Variants in WDFY4 observed in about 807,000 individuals in gnomAD.
WDFY4 encodes the protein WD repeat- and FYVE domain-containing protein 4.
In WDFY4, 169 loss-of-function variants were observed where a neutral mutation model predicts 351.9. That is an observed-to-expected ratio of 0.48 (90% CI 0.42 to 0.55). WDFY4 has a LOEUF of 0.55. WDFY4 is among the 20% of genes least tolerant of loss of function. The pLI is 0.00. For missense variants in WDFY4, 3,803 were observed against 3,935.6 expected (o/e 0.97, Z 0.90); for synonymous variants, 1,622 against 1,574.6 (o/e 1.03, Z -0.71).
intron 51 of WDFY4, among the ~76,000 whole-genome samples, chr10:48,952,616 G>A (rs997060058): frequency 6.6e-6 from 1 of 152,150 alleles, no homozygotes; most frequent in African/African-American, 2.4e-5. Flanking sequence ...AGGACTAAAG[G>A]AGATACGACA....
Position 48,817,416 on chromosome 10 carries a change from C to A in WDFY4, c.5505+7C>A. Reference sequence around the variant, plus strand: ...CCCCCTGGGAGCCCAAAAGGTAGGACATGCTGCTGTCCCACCCAGAGAGAG... The same window carrying A: ...CCCCCTGGGAGCCCAAAAGGTAGGAAATGCTGCTGTCCCACCCAGAGAGAG... On this transcript the variant is annotated splice_region_variant and intron_variant, in intron 32 of 61. Coordinates refer to ENST00000325239, the MANE Select transcript of WDFY4 (RefSeq NM_001394531.1). 2 of 1,547,612 alleles carry A rather than the reference C, an allele frequency of 1.3e-6. No homozygotes were observed. The highest frequency in any genetic ancestry group is 2.4e-5 in the South Asian group (2 of 83,728).
intron 25 of WDFY4, 47 bp downstream of exon 25, chr10:48,803,406 G>T: frequency 6.5e-7 from 1 of 1,536,814 alleles, no homozygotes. Flanking sequence ...AAGGCTGAAT[G>T]TCCAGAACAG....
chr10:48,938,483 C>T (rs1016218908), intron 47 of WDFY4, among the ~76,000 whole-genome samples: 2 of 152,246 alleles, frequency 1.3e-5, no homozygotes, highest in Non-Finnish European at 2.9e-5. Flanking sequence ...TCTGCCAGCC[C>T]CCGATGGAGG....
At chr10:48,900,123 C>T (rs543674124) in intron 45 of WDFY4, 98 bp from the exon 46 acceptor site, 46 of 1,029,448 alleles carry the variant, frequency 4.5e-5, no homozygotes, top group Middle Eastern at 2.3e-4. Context: ...TCTTCTGACA[C>T]GGAGACCCGC....
intron 39 of WDFY4, among the ~76,000 whole-genome samples, chr10:48,839,330 A>G (rs933135837): frequency 6.6e-6 from 1 of 152,252 alleles, no homozygotes; most frequent in Admixed American, 6.5e-5. Flanking sequence ...TGACATTTTT[A>G]AAATCTGATA....
intron 53 of WDFY4, among the ~76,000 whole-genome samples, chr10:48,963,561 C>T (rs1195093001): frequency 6.6e-6 from 1 of 152,172 alleles, no homozygotes; most frequent in Non-Finnish European, 1.5e-5. Flanking sequence ...AGGCCTGCAC[C>T]TCATAGATAC....
chr10:48,918,551 C>T (rs1004618790), intron 47 of WDFY4, among the ~76,000 whole-genome samples: 3 of 152,112 alleles, frequency 2.0e-5, no homozygotes, highest in Non-Finnish European at 2.9e-5. Context: ...ATGTACCTAA[C>T]AGCAGAGCTT....
At chr10:48,749,365 C>T (rs1485199326) in intron 12 of WDFY4, among the ~76,000 whole-genome samples, 1 of 151,950 alleles carries the variant, frequency 6.6e-6, no homozygotes, top group Admixed American at 6.6e-5. Flanking sequence ...AACACACACA[C>T]ACCACACTAA....
chr10:48,702,460 G>A (rs558623887), intron 1 of WDFY4, among the ~76,000 whole-genome samples: 5 of 152,124 alleles, frequency 3.3e-5, no homozygotes, highest in African/African-American at 1.2e-4. Context: ...TTTCCAAAAT[G>A]TCCTCTAAGT....
chr10:48,882,706 G>T (rs960957329), intron 43 of WDFY4, among the ~76,000 whole-genome samples: 9 of 152,108 alleles, frequency 5.9e-5, no homozygotes, highest in African/African-American at 1.9e-4. Flanking sequence ...GAGGGGCCAG[G>T]CTCTTTCAAA....
rs895491443 is a variant in WDFY4, at chr10:48,867,274, T to C, written c.6673T>C (p.Ser2225Pro). ...DPECKTEDFVSCIENYRRRGQ... is the reference protein window; with the variant it reads ...DPECKTEDFVPCIENYRRRGQ... ...TTTCTCCTTTCTCCAGGATTTTGTGTCATGTATAGAGAACTACAGAAGAAG... is the reference window on the plus strand; with the variant it reads ...TTTCTCCTTTCTCCAGGATTTTGTGCCATGTATAGAGAACTACAGAAGAAG... Residue 2225 changes from serine to proline, a missense_variant, in exon 40 of 62, where the codon TCA becomes CCA. Physicochemically the swap from Ser to Pro is moderately conservative, Grantham distance 74. Around this residue, in one of 3 missense-constraint regions of WDFY4, gnomAD observed 3,054 missense variants for 3,148.6 expected, o/e 0.97. Coordinates refer to ENST00000325239, the MANE Select transcript of WDFY4 (RefSeq NM_001394531.1). The C allele has an allele frequency of 1.4e-6, 2 of 1,428,002 alleles. No homozygotes were observed. The highest frequency in any genetic ancestry group is 5.2e-5 in the Admixed American group (2 of 38,170). The allele number at this position is 1,428,002 out of a possible 1,614,324, so 88.5% of individuals were successfully genotyped here. A position where few individuals can be genotyped will look rare whatever the true frequency, so the allele number is the denominator to read the frequency against.
intron 12 of WDFY4, among the ~76,000 whole-genome samples, chr10:48,754,028 G>A (rs918570157): frequency 6.6e-6 from 1 of 152,102 alleles, no homozygotes; most frequent in African/African-American, 2.4e-5. Flanking sequence ...ATGATCATCT[G>A]TTTTTTGCCT....
rs535366458 is a variant in WDFY4, at chr10:48,743,156, C to A, written c.2067C>A (p.Ser689=). The A allele has an allele frequency of 6.4e-7, 1 of 1,551,538 alleles. No homozygotes were observed. Among genetic ancestry groups the A allele is most frequent in the South Asian group, 1.2e-5 (1 of 84,066 alleles). Residue 689 remains serine, a synonymous_variant, in exon 12 of 62, where the codon TCC becomes TCA. Coordinates refer to ENST00000325239, the MANE Select transcript of WDFY4 (RefSeq NM_001394531.1). ...TTTTGTACACTCTCTGTGCTGTGTC[C>A]GCAGCGCTGCACTGGGACCCTGTCA... The part of the protein sequence containing the change: ...ELVLYTLCAV[S]AALHWDPVNG...
intron 41 of WDFY4, among the ~76,000 whole-genome samples, chr10:48,873,918 A>G (rs1158665318): frequency 1.3e-5 from 2 of 152,222 alleles, no homozygotes; most frequent in Non-Finnish European, 2.9e-5. Flanking sequence ...TACAGCCTGC[A>G]TGAATGAATA....
At chr10:48,802,974 A>G (rs1006331992) in intron 24 of WDFY4, among the ~76,000 whole-genome samples, 1 of 152,192 alleles carries the variant, frequency 6.6e-6, no homozygotes, top group African/African-American at 2.4e-5. Context: ...TGAGTTTGCA[A>G]TATGGACACT....
intron 39 of WDFY4, among the ~76,000 whole-genome samples, chr10:48,863,776 A>G (rs968080562): frequency 6.6e-6 from 1 of 152,182 alleles, no homozygotes; most frequent in Non-Finnish European, 1.5e-5. Flanking sequence ...TAATTTATAA[A>G]GAAAAGAGGT....
intron 1 of WDFY4, 27 bp from the exon 2 acceptor site, chr10:48,709,689 G>T (rs2063720345): frequency 6.5e-7 from 1 of 1,532,812 alleles, no homozygotes; most frequent in Non-Finnish European, 8.8e-7. Flanking sequence ...TGACAGGAAT[G>T]TTCACTTCTA....
In WDFY4 at chr10:48,944,098, C is replaced by T. The variant is rs56755246; in HGVS notation, c.7749+649C>T. Among the ~76,000 whole-genome samples, 328 of 152,252 alleles carry T rather than the reference C, an allele frequency of 2.2e-3. 1 individual carries two copies. The highest frequency in any genetic ancestry group is 7.4e-3 in the African/African-American group (309 of 41,538). ...GTCAGCCCTTGTGGGGTGAGGCAGT[C>T]ACAGGTGAAGTGGGCCATGGAATTT... is the stretch of plus-strand genomic sequence containing the variant. On this transcript the variant is annotated intron_variant, in intron 49 of 61. Transcript: ENST00000325239.
intron 1 of WDFY4, among the ~76,000 whole-genome samples, chr10:48,686,784 A>G (rs2063061916): frequency 6.6e-6 from 1 of 152,014 alleles, no homozygotes; most frequent in Non-Finnish European, 1.5e-5. Context: ...GTATTTCAAG[A>G]GTTTATTTTT....
Sources: allele counts gnomAD v4.1 joint callset (sites outside exome capture counted in the v4.1 genomes callset), GRCh38; gene constraint gnomAD v4.1.1; regional missense constraint gnomAD v4.1.1; transcripts MANE v1.5; gene names NCBI Gene and HGNC (gene_info 2026-07-23, HGNC 2026-07-21).